HIF1A: variants seen among roughly 807,000 people sequenced by gnomAD.
HIF1A encodes the protein hypoxia-inducible factor 1-alpha.
HIF1A carries 24 observed loss-of-function variants against 92.7 expected under a neutral mutation model. The ratio of observed to expected loss-of-function variants is 0.26; its 90% CI spans 0.19 to 0.36. The LOEUF (loss-of-function observed/expected upper bound fraction) is 0.36, where lower values mean the gene tolerates loss of function less well. HIF1A is among the 10% of genes least tolerant of loss of function. The pLI, the probability that HIF1A is intolerant of heterozygous loss-of-function variation, is 1.00. For synonymous variants in HIF1A, 319 were observed against 338.7 expected (o/e 0.94, Z 0.64); for missense variants, 799 against 998.5 (o/e 0.80, Z 2.69).
intron 1 of HIF1A, chr14:61,697,815 G>A: frequency 1.3e-6 from 2 of 1,487,576 alleles, no homozygotes; most frequent in Non-Finnish European, 8.9e-7. Context: ...TTGAGGGACG[G>A]AGATTTTCTT....
intron 4 of HIF1A, among the ~76,000 whole-genome samples, chr14:61,724,716 A>C (rs903824976): frequency 1.1e-4 from 16 of 152,150 alleles, no homozygotes; most frequent in Admixed American, 7.2e-4. Context: ...TATTTCCATC[A>C]GTTTTCAAGT....
intron 1 of HIF1A, among the ~76,000 whole-genome samples, chr14:61,700,096 AAAC>A (rs1159340838): frequency 1.3e-5 from 2 of 152,156 alleles, no homozygotes; most frequent in Admixed American, 6.5e-5. Flanking sequence ...TGTTTCATAA[AAAC>A]AAAAATGTGA....
At chr14:61,707,510 T>A (rs1199773444) in intron 1 of HIF1A, among the ~76,000 whole-genome samples, 1 of 150,838 alleles carries the variant, frequency 6.6e-6, no homozygotes, top group Non-Finnish European at 1.5e-5. Context: ...CCTGTGTCCA[T>A]GTGTTCTCAT....
At chr14:61,724,574 T>G (rs2044479973) in intron 4 of HIF1A, among the ~76,000 whole-genome samples, 1 of 152,302 alleles carries the variant, frequency 6.6e-6, no homozygotes, top group Non-Finnish European at 1.5e-5. Flanking sequence ...GGAATTCATC[T>G]TGTTCCTCAA....
chr14:61,710,267 C>A (rs537461309), intron 1 of HIF1A, among the ~76,000 whole-genome samples: 1 of 152,160 alleles, frequency 6.6e-6, no homozygotes, highest in Admixed American at 6.5e-5. Flanking sequence ...CGTGTTTTGT[C>A]AGTTAGGGAT....
At position 61,711,010 on chromosome 14, in the gene HIF1A, G is replaced by A. The variant is rs111836092; in HGVS notation, c.36-9372G>A. 5.2e-3 allele frequency among the ~76,000 whole-genome samples: 757 copies of A among 145,152 alleles called. 6 individuals carry two copies. Among genetic ancestry groups the A allele is most frequent in the African/African-American group, 0.018 (712 of 38,910 alleles). On this transcript the variant is annotated intron_variant, in intron 1 of 14. Transcript: ENST00000337138. ...TGCAGTGAGCGGAGATCGCACCACTGTACTTCAGCCTTGGGCAACAGTGCG... is the reference window on the plus strand; with the variant it reads ...TGCAGTGAGCGGAGATCGCACCACTATACTTCAGCCTTGGGCAACAGTGCG...
chr14:61,701,979 CTG>C (rs1160839512), intron 1 of HIF1A, among the ~76,000 whole-genome samples: 3 of 151,372 alleles, frequency 2.0e-5, no homozygotes, highest in African/African-American at 4.9e-5. Context: ...CAGAGCAAGA[CTG>C]TGTTTCAAAA....
chr14:61,720,565 G>C lies in HIF1A; in HGVS notation c.219G>C (p.Leu73=). 1 of 1,592,864 alleles carries C rather than the reference G, an allele frequency of 6.3e-7. No individual in the cohort carries two copies. Among genetic ancestry groups the C allele is most frequent in the Non-Finnish European group, 8.5e-7 (1 of 1,170,314 alleles). The change falls in exon 2 of 15, where the codon CTG becomes CTC. Residue 73 remains leucine (L), a synonymous_variant. Transcript: ENST00000337138. ...GCTATTTGCGTGTGAGGAAACTTCT[G>C]GATGCTGGTGAGTTATTTTACAAGG... The part of the protein sequence containing the change: ...TISYLRVRKL[L]DAGDLDIEDD...
In HIF1A at chr14:61,713,096, A is replaced by G. The variant is rs532255632; in HGVS notation, c.36-7286A>G. ...GTAAGCAAGCCAGAAAGGAAATACT[A>G]TGGTGCTTTTGAGTAACTGCAGTGT... On this transcript the variant is annotated intron_variant, in intron 1 of 14. Coordinates refer to ENST00000337138, the MANE Select transcript of HIF1A (RefSeq NM_001530.4). 9.9e-4 allele frequency among the ~76,000 whole-genome samples: 151 copies of G among 152,280 alleles called. 3 individuals carry two copies. Among genetic ancestry groups the G allele is most frequent in the Middle Eastern group, 3.4e-3 (1 of 294 alleles).
At chr14:61,745,468 T>C (rs766399896) in intron 13 of HIF1A, 9 of 540,376 alleles carry the variant, frequency 1.7e-5, no homozygotes, top group Admixed American at 6.2e-5. Flanking sequence ...TCAATGGTGG[T>C]ATAATACATT....
At chr14:61,699,105 T>C (rs1403163362) in intron 1 of HIF1A, among the ~76,000 whole-genome samples, 1 of 152,184 alleles carries the variant, frequency 6.6e-6, no homozygotes, top group Non-Finnish European at 1.5e-5. Flanking sequence ...GTTAAGACCA[T>C]TGGGTTCCAT....
rs1594851052 is a variant in HIF1A, at chr14:61,695,546, A to C, written c.-259A>C. On this transcript the variant is annotated 5_prime_UTR_variant, in exon 1 of 15. Transcript: ENST00000337138. Reference sequence around the variant, plus strand: ...GTGCTGCCTCGTCTGAGGGGACAGGAGGATCACCCTCTTCGTCGCTTCGGC... The same window carrying C: ...GTGCTGCCTCGTCTGAGGGGACAGGCGGATCACCCTCTTCGTCGCTTCGGC... The C allele has an allele frequency of 3.6e-6, 2 of 548,282 alleles. No individual in the cohort carries two copies. Among genetic ancestry groups the C allele is most frequent in the Admixed American group, 6.6e-5 (2 of 30,138 alleles). The allele number at this position is 548,282 out of a possible 1,614,324, so 34.0% of individuals were successfully genotyped here.
chr14:61,745,171 T>G (rs2044763268), intron 13 of HIF1A, among the ~76,000 whole-genome samples: 1 of 152,200 alleles, frequency 6.6e-6, no homozygotes, highest in South Asian at 2.1e-4. Flanking sequence ...ACGCCTGTAA[T>G]CCCAGCACTT....
rs112318692 is a variant in HIF1A at position 61,715,037 on chromosome 14, G to GA, written c.36-5334dup. Among the ~76,000 whole-genome samples, 1,108 of 143,200 alleles carry GA rather than the reference G, an allele frequency of 7.7e-3. 11 individuals carry two copies. The highest frequency in any genetic ancestry group is 0.021 in the African/African-American group (842 of 39,296). The allele number at this position is 143,200 out of a possible 152,430, so 93.9% of individuals were successfully genotyped here. A position where few individuals can be genotyped will look rare whatever the true frequency, so the allele number is the denominator to read the frequency against. ...CAACAAGGGTGAAATGCCGTCTCAG[G>GA]AAAAAAAAAAACAGTTTCTGTGACT... On this transcript the variant is annotated intron_variant, in intron 1 of 14. Transcript: ENST00000337138.
intron 4 of HIF1A, 57 bp from the exon 5 acceptor site, chr14:61,726,649 A>T: frequency 9.1e-7 from 1 of 1,096,850 alleles, no homozygotes; most frequent in Non-Finnish European, 1.3e-6. Context: ...TGTTACTTTT[A>T]TTGTAACAAA....
At chr14:61,724,380 T>TCTCC (rs771152491) in intron 4 of HIF1A, among the ~76,000 whole-genome samples, 9 of 139,712 alleles carry the variant, frequency 6.4e-5, no homozygotes, top group Non-Finnish European at 9.3e-5. Flanking sequence ...TCTCTCTCTC[T>TCTCC]CCCCCTCCCT....
chr14:61,723,123 T>A (rs2044453624), intron 4 of HIF1A, among the ~76,000 whole-genome samples: 1 of 152,222 alleles, frequency 6.6e-6, no homozygotes, highest in African/African-American at 2.4e-5. Flanking sequence ...AGTGCATACG[T>A]TTGTTTGCTT....
chr14:61,725,552 T>TTA (rs969199566), intron 4 of HIF1A, among the ~76,000 whole-genome samples: 71 of 152,122 alleles, frequency 4.7e-4, no homozygotes, highest in African/African-American at 1.7e-3. Flanking sequence ...GTAGCTGGGA[T>TTA]TATAGGCATG....
At chr14:61,708,928 G>T (rs912328609) in intron 1 of HIF1A, among the ~76,000 whole-genome samples, 1 of 151,652 alleles carries the variant, frequency 6.6e-6, no homozygotes, top group Non-Finnish European at 1.5e-5. Flanking sequence ...ATGGAGTTTT[G>T]CTCTTGTTGC....
Sources: allele counts gnomAD v4.1 joint callset (sites outside exome capture counted in the v4.1 genomes callset), GRCh38; gene constraint gnomAD v4.1.1; transcripts MANE v1.5; gene names NCBI Gene and HGNC (gene_info 2026-07-23, HGNC 2026-07-21).